The following TTC28 variants were observed in gnomAD, a reference collection of about 807,000 sequenced individuals.
TTC28 encodes tetratricopeptide repeat domain 28.
TTC28 carries 61 observed loss-of-function variants against 198.0 expected under a neutral mutation model. The ratio of observed to expected loss-of-function variants is 0.31; its 90% CI spans 0.25 to 0.38. TTC28 has a LOEUF of 0.38. Among genes scored for constraint, TTC28 ranks in the 10% least tolerant of loss-of-function variants. The probability of loss-of-function intolerance (pLI) is 1.00; values close to 1 mark genes in which losing one functional copy is unlikely to be tolerated. For missense variants in TTC28, 2,678 were observed against 3,164.0 expected, an observed-to-expected ratio of 0.85 and a Z score of 3.69; for synonymous variants, 1,171 against 1,297.8, an observed-to-expected ratio of 0.90 and a Z score of 2.10.
chr22:28,496,294 T>C (rs2048454419), intron 2 of TTC28, among the ~76,000 whole-genome samples: 1 of 152,126 alleles, frequency 6.6e-6, no homozygotes, highest in African/African-American at 2.4e-5. Flanking sequence ...CAGATTGCTA[T>C]ATCCGACCTC....
chr22:28,131,496 G>C (rs910653236), intron 6 of TTC28, among the ~76,000 whole-genome samples: 2 of 152,184 alleles, frequency 1.3e-5, no homozygotes, highest in African/African-American at 4.8e-5. Flanking sequence ...CTGACTGGGG[G>C]CTGTGGCTCA....
intron 14 of TTC28, 120 bp from the exon 15 acceptor site, chr22:28,001,673 G>T (rs1433736495): frequency 9.1e-6 from 11 of 1,209,814 alleles, no homozygotes; most frequent in Non-Finnish European, 1.2e-5. Flanking sequence ...GGCCTGTGGG[G>T]GTGTGGGGCG....
intron 6 of TTC28, among the ~76,000 whole-genome samples, chr22:28,153,698 A>C (rs1027907559): frequency 6.6e-6 from 1 of 152,236 alleles, no homozygotes; most frequent in Non-Finnish European, 1.5e-5. Context: ...TTTGTTGATC[A>C]AAAGAATGAA....
chr22:28,470,509 C>A (rs2048084186), intron 2 of TTC28, among the ~76,000 whole-genome samples: 1 of 152,186 alleles, frequency 6.6e-6, no homozygotes, highest in South Asian at 2.1e-4. Flanking sequence ...CCTCCAAGGT[C>A]TAAAACAGTG....
At chr22:28,119,718 G>A (rs773156386) in intron 6 of TTC28, among the ~76,000 whole-genome samples, 46 of 152,168 alleles carry the variant, frequency 3.0e-4, no homozygotes, top group Non-Finnish European at 5.4e-4. Context: ...CACCCAAAAC[G>A]ACAATAGCAC....
chr22:28,425,617 A>C (rs999505114), intron 2 of TTC28, among the ~76,000 whole-genome samples: 3 of 152,248 alleles, frequency 2.0e-5, no homozygotes, highest in Non-Finnish European at 4.4e-5. Context: ...GGATTCATTG[A>C]TCAAGTGATC....
rs541195558 is a variant in TTC28 at position 28,464,934 on chromosome 22, T to C, written c.382-158291A>G. ...GCCAGATTTCAACTCACGAAAGAACTTGAAATGACCTGATATTGTGGTCTT... is the reference window on the plus strand; with the variant it reads ...GCCAGATTTCAACTCACGAAAGAACCTGAAATGACCTGATATTGTGGTCTT... On this transcript the variant is annotated intron_variant, in intron 2 of 22. Coordinates refer to ENST00000397906, the MANE Select transcript of TTC28 (RefSeq NM_001145418.2). Among the ~76,000 whole-genome samples, 40 of 152,336 alleles carry C rather than the reference T, an allele frequency of 2.6e-4. No homozygotes were observed. In the South Asian group the frequency reaches 6.0e-3, roughly 23 times the overall value.
chr22:28,371,436 G>A (rs1447193226), intron 2 of TTC28, among the ~76,000 whole-genome samples: 3 of 122,712 alleles, frequency 2.4e-5, no homozygotes, highest in African/African-American at 9.4e-5. Context: ...CTTGAGCCAG[G>A]GAGGCAGAGG....
intron 2 of TTC28, among the ~76,000 whole-genome samples, chr22:28,537,787 C>A (rs1490475342): frequency 2.0e-5 from 3 of 152,138 alleles, no homozygotes; most frequent in Admixed American, 6.6e-5. Flanking sequence ...TATATGTTCG[C>A]TATCAGACAG....
chr22:28,576,944 A>G (rs569946530), intron 2 of TTC28, among the ~76,000 whole-genome samples: 2 of 150,860 alleles, frequency 1.3e-5, no homozygotes, highest in South Asian at 4.2e-4. Context: ...GATCTTTTGT[A>G]TTATTTCTTT....
intron 22 of TTC28, among the ~76,000 whole-genome samples, chr22:27,984,478 A>C: frequency 6.7e-6 from 1 of 150,114 alleles, no homozygotes; most frequent in South Asian, 2.1e-4. Flanking sequence ...CATCCTTGTC[A>C]CTCTGAACCC....
At chr22:28,267,121 G>A (rs1931732804) in intron 5 of TTC28, among the ~76,000 whole-genome samples, 1 of 152,104 alleles carries the variant, frequency 6.6e-6, no homozygotes, top group Non-Finnish European at 1.5e-5. Context: ...TGATCTCTAG[G>A]TGCATGTGGG....
chr22:28,388,453 G>A (rs1430281242), intron 2 of TTC28, among the ~76,000 whole-genome samples: 4 of 152,114 alleles, frequency 2.6e-5, no homozygotes, highest in Non-Finnish European at 4.4e-5. Flanking sequence ...CCATTTTCAC[G>A]ATATTGATTC....
chr22:28,273,108 C>G (rs1932195922), intron 5 of TTC28, among the ~76,000 whole-genome samples: 1 of 152,056 alleles, frequency 6.6e-6, no homozygotes, highest in Admixed American at 6.5e-5. Flanking sequence ...TAAATGAAAC[C>G]CAGCTCTGAA....
intron 2 of TTC28, among the ~76,000 whole-genome samples, chr22:28,552,004 A>G (rs1359513842): frequency 1.3e-5 from 2 of 152,174 alleles, no homozygotes; most frequent in Non-Finnish European, 2.9e-5. Flanking sequence ...AAAAGCTCCT[A>G]AAACTGGTAA....
chr22:28,199,224 G>C (rs540566248), intron 5 of TTC28, among the ~76,000 whole-genome samples: 1 of 151,590 alleles, frequency 6.6e-6, no homozygotes, highest in Non-Finnish European at 1.5e-5. Context: ...GGAACTGACT[G>C]ACTAAAATAT....
chr22:28,489,511 T>C (rs1568975927), intron 2 of TTC28, among the ~76,000 whole-genome samples: 1 of 152,186 alleles, frequency 6.6e-6, no homozygotes, highest in Non-Finnish European at 1.5e-5. Flanking sequence ...AAATTAATCA[T>C]CCATATCTTT....
chr22:28,013,673 G>C (rs1336269194), intron 14 of TTC28, among the ~76,000 whole-genome samples: 1 of 152,156 alleles, frequency 6.6e-6, no homozygotes, highest in Non-Finnish European at 1.5e-5. Context: ...TGGGGAGGTG[G>C]GGAAGCATTC....
intron 5 of TTC28, among the ~76,000 whole-genome samples, chr22:28,183,727 AC>A (rs1278125636): frequency 6.6e-6 from 1 of 152,196 alleles, no homozygotes; most frequent in Non-Finnish European, 1.5e-5. Flanking sequence ...TTATAATGAT[AC>A]TAGTTTTCAT....
Sources: allele counts gnomAD v4.1 joint callset (sites outside exome capture counted in the v4.1 genomes callset), GRCh38; gene constraint gnomAD v4.1.1; transcripts MANE v1.5; gene names NCBI Gene and HGNC (gene_info 2026-07-23, HGNC 2026-07-21).